The following ABI3BP variants were observed in gnomAD, a reference collection of about 807,000 sequenced individuals.
ABI3BP encodes target of Nesh-SH3.
In ABI3BP, 216 loss-of-function variants were observed where a neutral mutation model predicts 268.6. The observed-to-expected ratio is 0.80, with a 90% CI of 0.72 to 0.90. ABI3BP has a LOEUF of 0.90. Among genes scored for constraint, ABI3BP ranks in the 40% least tolerant of loss-of-function variants. ABI3BP has a pLI of 0.00. For synonymous variants in ABI3BP, 730 were observed against 730.0 expected, an observed-to-expected ratio of 1.00 and a Z score of 0.00; for missense variants, 2,090 against 2,182.4, an observed-to-expected ratio of 0.96 and a Z score of 0.84.
chr3:100,972,066 A>G (rs1297034019), intron 1 of ABI3BP, among the ~76,000 whole-genome samples: 1 of 152,156 alleles, frequency 6.6e-6, no homozygotes, highest in Non-Finnish European at 1.5e-5. Flanking sequence ...ACGAACACAT[A>G]TCTGCCACCT....
chr3:100,915,615 A>G (rs781618787), intron 2 of ABI3BP, among the ~76,000 whole-genome samples: 3 of 152,256 alleles, frequency 2.0e-5, no homozygotes, highest in Non-Finnish European at 2.9e-5. Flanking sequence ...CCCAGGCTCC[A>G]AGACTCTGCG....
chr3:100,822,576 A>C lies in ABI3BP; in HGVS notation c.2887+13T>G. 1 of 1,535,632 alleles carries C rather than the reference A, an allele frequency of 6.5e-7. No individual in the cohort carries two copies. The highest frequency in any genetic ancestry group is 1.2e-5 in the South Asian group (1 of 84,034). Reference sequence around the variant, plus strand: ...GCTGCAGGGACTCTTTAAACCAGGAACACATAGTTTACCTGGTTTGGATTC... The same window carrying C: ...GCTGCAGGGACTCTTTAAACCAGGACCACATAGTTTACCTGGTTTGGATTC... On this transcript the variant is annotated intron_variant, in intron 38 of 67. Coordinates refer to ENST00000471714, the MANE Select transcript of ABI3BP (RefSeq NM_001375547.2).
chr3:100,765,556 T>C (rs2096235253), intron 63 of ABI3BP, among the ~76,000 whole-genome samples: 1 of 152,238 alleles, frequency 6.6e-6, no homozygotes, highest in Non-Finnish European at 1.5e-5. Flanking sequence ...CCACAGACTT[T>C]TATTTTTGTA....
rs1407407174 is a variant in ABI3BP, at chr3:100,835,601, C to T, written c.2191G>A (p.Ala731Thr). 6 of 1,533,818 alleles carry T rather than the reference C, an allele frequency of 3.9e-6. No individual in the cohort carries two copies. Among genetic ancestry groups the T allele is most frequent in the Admixed American group, 3.9e-5 (2 of 50,914 alleles). The change falls in exon 28 of 68, where the codon GCT becomes ACT. Residue 731 changes from alanine (A) to threonine (T), a missense_variant and splice_region_variant. Ala to Thr is a moderately conservative substitution (Grantham distance 58). Transcript: ENST00000471714. ...ACTTAAAGACATAAGAGGTCATTAC[C>T]TAATGTTGTCACTGTAGCCTCAGTT... ...VRTEATVTTL[A>T]PKTSQRTRTR...
intron 64 of ABI3BP, among the ~76,000 whole-genome samples, chr3:100,754,061 G>C (rs1379462980): frequency 6.6e-6 from 1 of 152,188 alleles, no homozygotes. Context: ...AGCTGTATCT[G>C]TTACATGTAA....
intron 6 of ABI3BP, among the ~76,000 whole-genome samples, chr3:100,882,739 C>T (rs2040015254): frequency 6.6e-6 from 1 of 151,914 alleles, no homozygotes; most frequent in Non-Finnish European, 1.5e-5. Context: ...ATCATCTTTC[C>T]CAATCTTGCT....
At chr3:100,897,289 T>C (rs2048163652) in intron 4 of ABI3BP, among the ~76,000 whole-genome samples, 1 of 152,096 alleles carries the variant, frequency 6.6e-6, no homozygotes, top group Non-Finnish European at 1.5e-5. Flanking sequence ...TAATCAAATA[T>C]ACGTAATATA....
rs569810413 is a variant in ABI3BP at position 100,871,424 on chromosome 3, C to T, written c.910+3417G>A. On this transcript the variant is annotated intron_variant, in intron 9 of 67. Coordinates refer to ENST00000471714, the MANE Select transcript of ABI3BP (RefSeq NM_001375547.2). Reference sequence around the variant, plus strand: ...TTTCAAACATACTGGCTATCAGTCTCTTCAGTGTGTGATATGGTTTGGCTG... The same window carrying T: ...TTTCAAACATACTGGCTATCAGTCTTTTCAGTGTGTGATATGGTTTGGCTG... 1.6e-4 allele frequency among the ~76,000 whole-genome samples: 24 copies of T among 152,296 alleles called. No individual in the cohort carries two copies. The South Asian group carries it at 3.9e-3, about 25-fold the overall frequency.
intron 57 of ABI3BP, among the ~76,000 whole-genome samples, chr3:100,780,576 T>A (rs977741096): frequency 4.6e-5 from 7 of 151,756 alleles, no homozygotes; most frequent in African/African-American, 1.2e-4. Flanking sequence ...TCAAAAAAAA[T>A]TTTTTTCTTC....
Position 100,794,957 on chromosome 3 carries a change from TG to T in ABI3BP, c.3911del (p.Pro1304GlnfsTer33). On this transcript the variant is annotated frameshift_variant, in exon 54 of 68. Coordinates refer to ENST00000471714, the MANE Select transcript of ABI3BP (RefSeq NM_001375547.2). LOFTEE classifies it high-confidence loss of function. ...RGIPFIPMISPSPSQEELQTT... is the reference protein window; with the variant it reads ...RGIPFIPMISXSPSQEELQTT... ...TCTGTAGTTCCTCTTGACTAGGACT[TG>T]GGGAAATCATGGGTATAAAAGGGAT... The T allele has an allele frequency of 6.4e-7, 1 of 1,571,630 alleles. No homozygotes were observed. The highest frequency in any genetic ancestry group is 8.6e-7 in the Non-Finnish European group (1 of 1,158,312).
chr3:100,816,831 T>C, intron 42 of ABI3BP, 63 bp from the exon 43 acceptor site: 3 of 1,177,204 alleles, frequency 2.5e-6, no homozygotes, highest in South Asian at 1.3e-5. Flanking sequence ...CTTTAGGTTT[T>C]TAAAGGTATG....
At position 100,750,532 on chromosome 3, in the gene ABI3BP, C is replaced by G; in HGVS notation, c.5324G>C (p.Trp1775Ser). The part of the protein sequence containing the change: ...GGHTQINYVQ[W>S]YECGTTIPGK... ...AGGAATTGTAGTCCCACATTCATAC[C>G]ACTGAACATAATTGATTTGGGTGTG... Residue 1775 changes from tryptophan (W) to serine (S), a missense_variant, in exon 68 of 68, where the codon TGG (tryptophan) becomes TCG (serine). Transcript: ENST00000471714. The G allele has an allele frequency of 2.5e-6, 4 of 1,613,114 alleles. No homozygotes were observed. The highest frequency in any genetic ancestry group is 3.4e-6 in the Non-Finnish European group (4 of 1,179,374).
chr3:100,817,581 G>T (rs1343611396), intron 41 of ABI3BP, 86 bp from the exon 42 acceptor site: 2 of 1,057,920 alleles, frequency 1.9e-6, no homozygotes, highest in Admixed American at 2.8e-5. Context: ...GAACTTAAAA[G>T]TAAGGCTTGT....
intron 2 of ABI3BP, chr3:100,911,236 A>G: frequency 2.8e-6 from 1 of 352,500 alleles, no homozygotes; most frequent in South Asian, 4.3e-5. Flanking sequence ...CAGTTTGGCT[A>G]CTACATCGAG....
At chr3:100,940,180 T>A (rs187945191) in intron 1 of ABI3BP, among the ~76,000 whole-genome samples, 1 of 152,146 alleles carries the variant, frequency 6.6e-6, no homozygotes, top group East Asian at 1.9e-4. Context: ...TGAGGCGACA[T>A]ACATCTTCCT....
intron 20 of ABI3BP, chr3:100,844,414 G>A: frequency 6.1e-6 from 6 of 985,370 alleles, no homozygotes; most frequent in Non-Finnish European, 7.2e-6. Flanking sequence ...TATAAAACAA[G>A]CCCAAATCAA....
intron 32 of ABI3BP, among the ~76,000 whole-genome samples, chr3:100,830,110 CAT>C (rs559297681): frequency 0.016 from 681 of 43,928 alleles, 7 homozygotes; most frequent in Non-Finnish European, 0.018. Context: ...TACATACATA[CAT>C]ATATATATAT....
chr3:100,766,022 G>A lies in ABI3BP; in HGVS notation c.4742-73C>T, dbSNP rs546040200. The A allele has an allele frequency of 2.7e-6, 3 of 1,092,440 alleles. No homozygotes were observed. The South Asian group carries it at 4.1e-5, about 15-fold the overall frequency. 67.7% of individuals were successfully genotyped at this position (1,092,440 alleles called of 1,614,324 possible). On this transcript the variant is annotated intron_variant, in intron 62 of 67. Transcript: ENST00000471714. ...GACTTAATTGCTCCTGAAGCTAATA[G>A]CATAAAAAAGCCACTTACATAAAGT...
At chr3:100,902,817 A>G in intron 2 of ABI3BP, 131 bp from the exon 3 acceptor site, 3 of 654,096 alleles carry the variant, frequency 4.6e-6, no homozygotes, top group South Asian at 4.1e-5. Context: ...GAGAGGACCC[A>G]ATAATCCGAA....
Sources: gnomAD v4.1 joint callset for allele counts (sites outside exome capture counted in the v4.1 genomes callset) on GRCh38, gnomAD v4.1.1 for gene constraint, MANE v1.5 for transcripts, NCBI Gene and HGNC (gene_info 2026-07-23, HGNC 2026-07-21) for gene names.